The following GLP1R variants were observed in gnomAD, a reference collection of about 807,000 sequenced individuals.
GLP1R encodes glucagon like peptide 1 receptor.
In GLP1R, 32 loss-of-function variants were observed where a neutral mutation model predicts 68.4. The observed-to-expected ratio is 0.47, with a 90% CI of 0.35 to 0.63. The LOEUF (loss-of-function observed/expected upper bound fraction) is 0.63, where lower values mean the gene tolerates loss of function less well. Among genes scored for constraint, GLP1R ranks in the 20% least tolerant of loss-of-function variants. GLP1R has a pLI of 0.00. For missense variants in GLP1R, 502 were observed against 594.9 expected, an observed-to-expected ratio of 0.84 and a Z score of 1.62; for synonymous variants, 263 against 244.4, an observed-to-expected ratio of 1.08 and a Z score of -0.71.
intron 12 of GLP1R, 38 bp downstream of exon 12, chr6:39,080,777 T>A (rs1384893099): frequency 1.4e-6 from 2 of 1,432,750 alleles, no homozygotes; most frequent in South Asian, 1.2e-5. Flanking sequence ...CCCTGGTGGG[T>A]GGGTACCATC....
Position 39,048,872 on chromosome 6 carries a change from C to T in GLP1R, c.32C>T (p.Ala11Val). Residue 11 changes from alanine (A) to valine (V), a missense_variant, in exon 1 of 13, where the codon GCG (alanine) becomes GTG (valine). By Grantham distance (64) the Ala-to-Val change is moderately conservative. Coordinates refer to ENST00000373256, the MANE Select transcript of GLP1R (RefSeq NM_002062.5). Reference protein sequence around the residue: MAGAPGPLRLALLLLGMVGRA... With the variant: MAGAPGPLRLVLLLLGMVGRA... ...GGCGCCCCCGGCCCGCTGCGCCTTGCGCTGCTGCTGCTCGGGATGGTGGGC... is the reference window on the plus strand; with the variant it reads ...GGCGCCCCCGGCCCGCTGCGCCTTGTGCTGCTGCTGCTCGGGATGGTGGGC... 1.3e-6 allele frequency: 2 copies of T among 1,498,302 alleles called. No homozygotes were observed. Among genetic ancestry groups the T allele is most frequent in the Admixed American group, 2.1e-5 (1 of 48,614 alleles). 92.8% of individuals were successfully genotyped at this position (1,498,302 alleles called of 1,614,324 possible).
chr6:39,063,897 T>TAC (rs151053629), intron 3 of GLP1R, among the ~76,000 whole-genome samples: 19,289 of 141,866 alleles, frequency 0.14, 1,410 homozygotes, highest in Admixed American at 0.21. Context: ...CCCCATCGTG[T>TAC]ACACACACAC....
intron 1 of GLP1R, among the ~76,000 whole-genome samples, chr6:39,056,000 C>T (rs540316227): frequency 6.6e-6 from 1 of 152,158 alleles, no homozygotes; most frequent in African/African-American, 2.4e-5. Context: ...AAGAAGCCCT[C>T]AGGCAGGCTG....
intron 1 of GLP1R, among the ~76,000 whole-genome samples, chr6:39,055,803 C>T (rs754482249): frequency 6.6e-5 from 10 of 152,286 alleles, no homozygotes; most frequent in Non-Finnish European, 1.0e-4. Flanking sequence ...CATCCCAGCT[C>T]TTTGTAGCCC....
At chr6:39,052,127 A>T (rs924363544) in intron 1 of GLP1R, among the ~76,000 whole-genome samples, 1 of 151,898 alleles carries the variant, frequency 6.6e-6, no homozygotes, top group African/African-American at 2.4e-5. Flanking sequence ...GTGTGTGATG[A>T]TGCGTGTGAC....
At chr6:39,059,731 T>C (rs1309291950) in intron 3 of GLP1R, among the ~76,000 whole-genome samples, 1 of 152,114 alleles carries the variant, frequency 6.6e-6, no homozygotes, top group African/African-American at 2.4e-5. Context: ...CTGCCTCCCA[T>C]AGATTTGAGA....
chr6:39,078,789 A>G (rs1221211265), intron 8 of GLP1R, among the ~76,000 whole-genome samples, 168 bp from the exon 9 acceptor site: 2 of 152,042 alleles, frequency 1.3e-5, no homozygotes, highest in African/African-American at 2.4e-5. Context: ...GTGGCTGTGC[A>G]CTGGCAGGGC....
At chr6:39,073,145 G>C in intron 6 of GLP1R, 130 bp downstream of exon 6, 1 of 811,310 alleles carries the variant, frequency 1.2e-6, no homozygotes, top group Middle Eastern at 3.0e-4. Context: ...GGAGCCCCCA[G>C]TCTGATGGGA....
intron 12 of GLP1R, among the ~76,000 whole-genome samples, chr6:39,082,739 G>C (rs1047518099): frequency 2.0e-5 from 3 of 152,232 alleles, no homozygotes; most frequent in Admixed American, 1.3e-4. Flanking sequence ...TTCCATTCCA[G>C]CCCAGTGGTG....
At position 39,056,491 on chromosome 6, in the gene GLP1R, C is replaced by T. The variant is rs1456463113; in HGVS notation, c.173C>T (p.Thr58Ile). 2 of 1,542,004 alleles carry T rather than the reference C, an allele frequency of 1.3e-6. No individual in the cohort carries two copies. Among genetic ancestry groups the T allele is most frequent in the Admixed American group, 1.7e-5 (1 of 59,902 alleles). The change falls in exon 2 of 13, where the codon ACA becomes ATA. Residue 58 changes from threonine (T) to isoleucine (I), a missense_variant and splice_region_variant. By Grantham distance (89) the Thr-to-Ile change is moderately conservative. Transcript: ENST00000373256. ...RSLTEDPPPA[T>I]DLFCNRTFDE... is the part of the protein sequence containing the mutation. ...CTGACTGAGGATCCACCTCCTGCCA[C>T]AGGTGAGTCCATGTAGGCTCCCCAC...
At chr6:39,075,433 G>A (rs1443914686) in intron 7 of GLP1R, among the ~76,000 whole-genome samples, 1 of 152,220 alleles carries the variant, frequency 6.6e-6, no homozygotes, top group Admixed American at 6.5e-5. Context: ...CAAGGGACGT[G>A]TGTGATGTGT....
intron 12 of GLP1R, 82 bp from the exon 13 acceptor site, chr6:39,085,824 C>T: frequency 7.8e-7 from 1 of 1,283,734 alleles, no homozygotes; most frequent in Non-Finnish European, 1.1e-6. Context: ...TTCTTCCCTT[C>T]CCCACTAATG....
chr6:39,086,441 C>A lies in GLP1R; in HGVS notation c.*368C>A. On this transcript the variant is annotated 3_prime_UTR_variant, in exon 13 of 13. Transcript: ENST00000373256. The surrounding 1 kb of genome is among the most constrained non-coding windows in gnomAD (Gnocchi z 4.5). ...ACCCCAGACTCAAACTCAAGGTCAA[C>A]GGCTTATTAGTGAAACTGGGGCTTG... The A allele has an allele frequency of 5.3e-6, 1 of 188,848 alleles. No homozygotes were observed. Among genetic ancestry groups the A allele is most frequent in the Non-Finnish European group, 1.1e-5 (1 of 91,528 alleles). The allele number at this position is 188,848 out of a possible 1,614,324, so 11.7% of individuals were successfully genotyped here.
chr6:39,057,679 C>T (rs1768250203), intron 3 of GLP1R, 100 bp downstream of exon 3: 1 of 669,788 alleles, frequency 1.5e-6, no homozygotes, highest in African/African-American at 1.8e-5. Flanking sequence ...TGAGCCCCCT[C>T]CCCGACCTGA....
At chr6:39,050,059 C>T (rs1768049574) in intron 1 of GLP1R, among the ~76,000 whole-genome samples, 1 of 152,202 alleles carries the variant, frequency 6.6e-6, no homozygotes. Flanking sequence ...AGACATACCT[C>T]TCAGCTAAGA....
rs2150842427 is a variant in GLP1R, at chr6:39,089,208, G to A, written c.*3135G>A. Among the ~76,000 whole-genome samples, 1 of 152,276 alleles carries A rather than the reference G, an allele frequency of 6.6e-6. No homozygotes were observed. The highest frequency in any genetic ancestry group is 2.1e-4 in the South Asian group (1 of 4,826). On this transcript the variant is annotated 3_prime_UTR_variant, in exon 13 of 13. Transcript: ENST00000373256. This position sits in a 1 kb window ranked among gnomAD's most constrained non-coding sequence, Gnocchi z 4.1. ...AACTTAAGAAATGAAATGCATCAGGGCACACATATACATAGAAACAGCACA... is the reference window on the plus strand; with the variant it reads ...AACTTAAGAAATGAAATGCATCAGGACACACATATACATAGAAACAGCACA...
chr6:39,070,823 A>G (rs1355934735), intron 5 of GLP1R, among the ~76,000 whole-genome samples: 1 of 151,614 alleles, frequency 6.6e-6, no homozygotes, highest in Non-Finnish European at 1.5e-5. Context: ...TATATTCTGG[A>G]TACTTATCCA....
rs1040221762 is a variant in GLP1R, at chr6:39,090,143, C to T, written c.*4070C>T. On this transcript the variant is annotated 3_prime_UTR_variant, in exon 13 of 13. Coordinates refer to ENST00000373256, the MANE Select transcript of GLP1R (RefSeq NM_002062.5). Reference sequence around the variant, plus strand: ...AGTTACCTGCTGGCCCAGATCAGCTCTCTGGGTCTGCAGAGGGCCGAGACA... The same window carrying T: ...AGTTACCTGCTGGCCCAGATCAGCTTTCTGGGTCTGCAGAGGGCCGAGACA... 1.3e-5 allele frequency among the ~76,000 whole-genome samples: 2 copies of T among 152,134 alleles called. No individual in the cohort carries two copies. Among genetic ancestry groups the T allele is most frequent in the Non-Finnish European group, 2.9e-5 (2 of 68,034 alleles).
At chr6:39,084,539 A>T (rs1196072618) in intron 12 of GLP1R, among the ~76,000 whole-genome samples, 1 of 152,092 alleles carries the variant, frequency 6.6e-6, no homozygotes, top group Non-Finnish European at 1.5e-5. Context: ...TGGCAGCTGC[A>T]CAAGTGGGGG....
Sources: gnomAD v4.1 joint callset for allele counts (sites outside exome capture counted in the v4.1 genomes callset) on GRCh38, gnomAD v4.1.1 for gene constraint, Gnocchi (gnomAD v3.1) non-coding constraint, MANE v1.5 for transcripts, NCBI Gene and HGNC (gene_info 2026-07-23, HGNC 2026-07-21) for gene names.